NTNG1: variants seen among roughly 807,000 people sequenced by gnomAD.
NTNG1 encodes the protein netrin G1, also known as netrin-G1.
Under a neutral mutation model 54.0 loss-of-function variants are expected in NTNG1, and 16 were observed. The observed-to-expected ratio is 0.30, with a 90% CI of 0.20 to 0.45. The LOEUF (loss-of-function observed/expected upper bound fraction) is 0.45, where lower values mean the gene tolerates loss of function less well. Among genes scored for constraint, NTNG1 ranks in the 20% least tolerant of loss-of-function variants. The pLI is 1.00. For synonymous variants in NTNG1, 255 were observed against 263.1 expected (o/e 0.97, Z 0.30); for missense variants, 530 against 678.7 (o/e 0.78, Z 2.43).
intron 3 of NTNG1, among the ~76,000 whole-genome samples, chr1:107,372,212 A>C (rs1670962890): frequency 6.6e-6 from 1 of 151,946 alleles, no homozygotes; most frequent in South Asian, 2.1e-4. Context: ...CTTTGGGCTT[A>C]ATTTGCTCTT....
chr1:107,190,890 T>G (rs1657861566), intron 2 of NTNG1, among the ~76,000 whole-genome samples: 1 of 152,230 alleles, frequency 6.6e-6, no homozygotes, highest in African/African-American at 2.4e-5. Flanking sequence ...TAAACATACA[T>G]GTGCATGTGT....
At chr1:107,466,450 A>C (rs559777199) in intron 7 of NTNG1, among the ~76,000 whole-genome samples, 1 of 152,366 alleles carries the variant, frequency 6.6e-6, no homozygotes, top group East Asian at 1.9e-4. Flanking sequence ...GAAAGCAGTC[A>C]AAATTCTTAT....
At chr1:107,434,603 T>G (rs1675486369) in intron 6 of NTNG1, among the ~76,000 whole-genome samples, 1 of 152,222 alleles carries the variant, frequency 6.6e-6, no homozygotes, top group Admixed American at 6.5e-5. Context: ...TGTATAATTT[T>G]TAATTCCCCT....
At chr1:107,303,835 C>T (rs907954585) in intron 2 of NTNG1, among the ~76,000 whole-genome samples, 13 of 152,036 alleles carry the variant, frequency 8.6e-5, no homozygotes, top group Admixed American at 2.0e-4. Context: ...TACAGGCGCA[C>T]GCCACCACAC....
chr1:107,149,122 G>T (rs915901183), intron 2 of NTNG1, among the ~76,000 whole-genome samples: 6 of 152,112 alleles, frequency 3.9e-5, no homozygotes, highest in African/African-American at 1.2e-4. Flanking sequence ...AAAAGAAAAA[G>T]TTCGATTGAA....
At chr1:107,469,786 A>T (rs534904329) in intron 7 of NTNG1, among the ~76,000 whole-genome samples, 7 of 152,308 alleles carry the variant, frequency 4.6e-5, no homozygotes, top group African/African-American at 1.7e-4. Context: ...CATCTATTCC[A>T]TGCCAGGGAC....
rs556741141 is a variant in NTNG1 at position 107,328,180 on chromosome 1, T to G, written c.887+3258T>G. ...TTCAGCAGCTCCGTAGTACTTACAT[T>G]GTTCAATAAACTTAATAATCTACAT... is the stretch of plus-strand genomic sequence containing the variant. On this transcript the variant is annotated intron_variant, in intron 3 of 7. Coordinates refer to ENST00000370068, the MANE Select transcript of NTNG1 (RefSeq NM_001113226.3). 4.7e-4 allele frequency among the ~76,000 whole-genome samples: 72 copies of G among 152,160 alleles called. 1 individual carries two copies. The highest frequency in any genetic ancestry group is 6.2e-4 in the Non-Finnish European group (42 of 68,016).
At chr1:107,190,863 T>C (rs1245275942) in intron 2 of NTNG1, among the ~76,000 whole-genome samples, 3 of 152,188 alleles carry the variant, frequency 2.0e-5, no homozygotes, top group South Asian at 4.1e-4. Flanking sequence ...TCTTTGCTAT[T>C]GTGAATAGTG....
chr1:107,141,514 C>A (rs1358802491), intron 1 of NTNG1: 1 of 151,832 alleles, frequency 6.6e-6, no homozygotes, highest in African/African-American at 2.4e-5. Context: ...CGCCCGTGCC[C>A]CTCTCCCCCG....
chr1:107,205,691 A>G (rs569744278), intron 2 of NTNG1, among the ~76,000 whole-genome samples: 1 of 152,234 alleles, frequency 6.6e-6, no homozygotes, highest in Middle Eastern at 3.4e-3. Flanking sequence ...AGTATACAGA[A>G]CAATGAATTT....
chr1:107,208,314 C>T (rs1659347105), intron 2 of NTNG1, among the ~76,000 whole-genome samples: 1 of 151,914 alleles, frequency 6.6e-6, no homozygotes, highest in Non-Finnish European at 1.5e-5. Context: ...CCTGTAATCC[C>T]AGCTACTCAG....
intron 2 of NTNG1, among the ~76,000 whole-genome samples, chr1:107,156,270 G>T (rs1375694960): frequency 6.6e-6 from 1 of 152,196 alleles, no homozygotes; most frequent in Non-Finnish European, 1.5e-5. Flanking sequence ...AAAAGAAATT[G>T]TAGAGGCAAA....
chr1:107,309,263 C>A (rs1033577130), intron 2 of NTNG1, among the ~76,000 whole-genome samples: 1 of 152,122 alleles, frequency 6.6e-6, no homozygotes, highest in Non-Finnish European at 1.5e-5. Flanking sequence ...CCCTTTCTGG[C>A]TCACAATAGG....
chr1:107,367,656 CCA>C (rs1670679044), intron 3 of NTNG1, among the ~76,000 whole-genome samples: 1 of 152,082 alleles, frequency 6.6e-6, no homozygotes, highest in African/African-American at 2.4e-5. Flanking sequence ...CGTGAGCCAT[CCA>C]AATTTCCCCT....
At chr1:107,357,809 A>G (rs902886813) in intron 3 of NTNG1, among the ~76,000 whole-genome samples, 3 of 152,174 alleles carry the variant, frequency 2.0e-5, no homozygotes, top group Non-Finnish European at 4.4e-5. Flanking sequence ...CTGTGATTAT[A>G]ATGGTGAGTT....
intron 2 of NTNG1, among the ~76,000 whole-genome samples, chr1:107,174,114 T>A (rs533551162): frequency 6.6e-6 from 1 of 152,286 alleles, no homozygotes; most frequent in South Asian, 2.1e-4. Flanking sequence ...ACTAAATTAT[T>A]GTTTAATTTA....
chr1:107,201,167 C>T (rs1350747400), intron 2 of NTNG1, among the ~76,000 whole-genome samples: 1 of 150,514 alleles, frequency 6.6e-6, no homozygotes, highest in Non-Finnish European at 1.5e-5. Flanking sequence ...TTAAACTATT[C>T]CCTAATTCTC....
rs932194296 is a variant in NTNG1 at position 107,237,853 on chromosome 1, A to G, written c.247-86429A>G. ...ATGGAAACACCTGAATGCCCAGCCA[A>G]AAGTTTGCTGCAGGGATGGGACCCT... On this transcript the variant is annotated intron_variant, in intron 2 of 7. Transcript: ENST00000370068. Among the ~76,000 whole-genome samples the G allele has an allele frequency of 7.2e-5, 11 of 152,334 alleles. No individual in the cohort carries two copies. The Middle Eastern group carries it at 0.014, about 188-fold the overall frequency.
At chr1:107,372,204 T>C (rs1461159314) in intron 3 of NTNG1, among the ~76,000 whole-genome samples, 1 of 152,040 alleles carries the variant, frequency 6.6e-6, no homozygotes, top group Non-Finnish European at 1.5e-5. Flanking sequence ...TAAGCATACT[T>C]TGGGCTTAAT....
Sources: gnomAD v4.1 joint callset for allele counts (sites outside exome capture counted in the v4.1 genomes callset) on GRCh38, gnomAD v4.1.1 for gene constraint, MANE v1.5 for transcripts, NCBI Gene and HGNC (gene_info 2026-07-23, HGNC 2026-07-21) for gene names.